The following CYP27A1 variants were observed in gnomAD, a reference collection of about 807,000 sequenced individuals.
CYP27A1 encodes cytochrome P450 family 27 subfamily A member 1, also known as sterol 26-hydroxylase, mitochondrial.
CYP27A1 carries 46 observed loss-of-function variants against 58.2 expected under a neutral mutation model. The observed-to-expected ratio is 0.79, with a 90% confidence interval of 0.62 to 1.01. The LOEUF is 1.01. CYP27A1 is among the 50% of genes least tolerant of loss of function. CYP27A1 has a pLI of 0.00. For synonymous variants in CYP27A1, 274 were observed against 285.1 expected (o/e 0.96, Z 0.39); for missense variants, 704 against 687.0 (o/e 1.02, Z -0.28).
chr2:218,814,582 A>G lies in CYP27A1; in HGVS notation c.1301A>G (p.Asp434Gly). 1 of 1,613,708 alleles carries G rather than the reference A, an allele frequency of 6.2e-7. No individual in the cohort carries two copies. Among genetic ancestry groups the G allele is most frequent in the Non-Finnish European group, 8.5e-7 (1 of 1,179,938 alleles). The change falls in exon 8 of 9, where the codon GAC becomes GGC. Residue 434 changes from aspartate (D) to glycine (G), a missense_variant. Asp to Gly is a moderately conservative substitution (Grantham distance 94). Transcript: ENST00000258415. ...TTCTGCCACTATGTGGTGTCCCGGG[A>G]CCCCACTGCCTTCTCTGAGCCTGAA... ...FVFCHYVVSR[D>G]PTAFSEPESF...
intron 1 of CYP27A1, among the ~76,000 whole-genome samples, chr2:218,797,050 G>A (rs1039095675): frequency 2.6e-5 from 4 of 152,200 alleles, no homozygotes; most frequent in Non-Finnish European, 4.4e-5. Flanking sequence ...AGTTGACAAA[G>A]AAGTCTGGTT....
rs988463082 is a variant in CYP27A1, at chr2:218,782,227, G to A, written c.45G>A (p.Gly15=). The change falls in exon 1 of 9, where the codon GGG becomes GGA. Residue 15 remains glycine (G), a synonymous_variant. Coordinates refer to ENST00000258415, the MANE Select transcript of CYP27A1 (RefSeq NM_000784.4). This position sits in a 1 kb window ranked among gnomAD's most constrained non-coding sequence, Gnocchi z 4.1. The stretch of plus-strand genomic sequence containing the variant: ...CGAGGCTGAGGTGGGCGCTGCGAGG[G>A]GCCGGCCGTGGCCTCTGCCCCCACG... ...GCARLRWALR[G]AGRGLCPHGA... The A allele has an allele frequency of 6.5e-7, 1 of 1,541,816 alleles. No homozygotes were observed. Among genetic ancestry groups the A allele is most frequent in the Admixed American group, 2.0e-5 (1 of 50,918 alleles).
At chr2:218,802,650 G>A (rs1311716165) in intron 1 of CYP27A1, among the ~76,000 whole-genome samples, 2 of 152,194 alleles carry the variant, frequency 1.3e-5, no homozygotes, top group South Asian at 2.1e-4. Context: ...GTTTTCTTCG[G>A]AGGGCAAATA....
intron 2 of CYP27A1, among the ~76,000 whole-genome samples, chr2:218,810,708 C>G (rs554865881): frequency 7.5e-4 from 114 of 152,262 alleles, no homozygotes; most frequent in Non-Finnish European, 1.3e-3. Flanking sequence ...TTTGGAACAA[C>G]GTGAAGTCCC....
rs764764261 is a variant in CYP27A1, at chr2:218,782,218, G to T, written c.36G>T (p.Ala12=). Residue 12 remains alanine (A), a synonymous_variant, in exon 1 of 9, where the codon GCG becomes GCT. Coordinates refer to ENST00000258415, the MANE Select transcript of CYP27A1 (RefSeq NM_000784.4). This position sits in a 1 kb window ranked among gnomAD's most constrained non-coding sequence, Gnocchi z 4.1. Reference sequence around the variant, plus strand: ...TGGGCTGCGCGAGGCTGAGGTGGGCGCTGCGAGGGGCCGGCCGTGGCCTCT... The same window carrying T: ...TGGGCTGCGCGAGGCTGAGGTGGGCTCTGCGAGGGGCCGGCCGTGGCCTCT... ...AALGCARLRW[A]LRGAGRGLCP... 16 of 1,539,914 alleles carry T rather than the reference G, an allele frequency of 1.0e-5. 1 individual carries two copies. In the East Asian group the frequency reaches 1.5e-4, roughly 14 times the overall value.
chr2:218,810,651 C>T (rs1252327509), intron 2 of CYP27A1, among the ~76,000 whole-genome samples: 1 of 152,104 alleles, frequency 6.6e-6, no homozygotes, highest in Non-Finnish European at 1.5e-5. Flanking sequence ...TTAACAACCA[C>T]GTTTAAGTTC....
chr2:218,812,500 A>ATT (rs1253301713), intron 3 of CYP27A1, 52 bp from the exon 4 acceptor site: 2 of 1,612,236 alleles, frequency 1.2e-6, no homozygotes, highest in East Asian at 4.5e-5. Flanking sequence ...GGGCTCCTGG[A>ATT]TTCCATATGT....
chr2:218,810,564 G>A (rs538399873), intron 2 of CYP27A1, among the ~76,000 whole-genome samples: 24 of 151,966 alleles, frequency 1.6e-4, no homozygotes, highest in Middle Eastern at 6.3e-3. Flanking sequence ...ATAAGTTTGG[G>A]GTTCTCAAAT....
chr2:218,807,379 A>G (rs1478325673), intron 1 of CYP27A1, among the ~76,000 whole-genome samples: 13 of 152,304 alleles, frequency 8.5e-5, no homozygotes, highest in South Asian at 6.2e-4. Context: ...GCACTTATAA[A>G]TCTAAGGAGT....
chr2:218,815,167 C>A lies in CYP27A1; in HGVS notation c.*137C>A. 9.7e-7 allele frequency: 1 copy of A among 1,032,808 alleles called. No individual in the cohort carries two copies. The highest frequency in any genetic ancestry group is 1.5e-6 in the Non-Finnish European group (1 of 685,276). The allele number at this position is 1,032,808 out of a possible 1,614,324, so 64.0% of individuals were successfully genotyped here. On this transcript the variant is annotated 3_prime_UTR_variant, in exon 9 of 9. Coordinates refer to ENST00000258415, the MANE Select transcript of CYP27A1 (RefSeq NM_000784.4). ...CGAGAGGTGGGAGGAACTCCTTGCACACACCCTGAGCTTTTGCCACTTCTA... is the reference window on the plus strand; with the variant it reads ...CGAGAGGTGGGAGGAACTCCTTGCAAACACCCTGAGCTTTTGCCACTTCTA...
chr2:218,782,248 C>G lies in CYP27A1; in HGVS notation c.66C>G (p.Pro22=), dbSNP rs1423345815. 9 of 1,552,500 alleles carry G rather than the reference C, an allele frequency of 5.8e-6. No individual in the cohort carries two copies. The highest frequency in any genetic ancestry group is 7.8e-6 in the Non-Finnish European group (9 of 1,150,096). The change falls in exon 1 of 9, where the codon CCC becomes CCG. Residue 22 remains proline (P), a synonymous_variant. Transcript: ENST00000258415. The surrounding 1 kb of genome is among the most constrained non-coding windows in gnomAD (Gnocchi z 4.1). ...GAGGGGCCGGCCGTGGCCTCTGCCC[C>G]CACGGGGCCAGAGCCAAGGCCGCGA... The part of the protein sequence containing the change: ...ALRGAGRGLC[P]HGARAKAAIP...
Position 218,814,614 on chromosome 2 carries a change from C to T in CYP27A1, c.1333C>T (p.Gln445Ter), listed in dbSNP as rs1325218192. 6.2e-7 allele frequency: 1 copy of T among 1,614,198 alleles called. No homozygotes were observed. Among genetic ancestry groups the T allele is most frequent in the Non-Finnish European group, 8.5e-7 (1 of 1,180,028 alleles). Residue 445 changes from glutamine (Q) to a stop codon, truncating the protein, a stop_gained, in exon 8 of 9, where the codon CAG (glutamine) becomes TAG (stop). Coordinates refer to ENST00000258415, the MANE Select transcript of CYP27A1 (RefSeq NM_000784.4). LOFTEE classifies it high-confidence loss of function. Reference sequence around the variant, plus strand: ...TGCCTTCTCTGAGCCTGAAAGCTTCCAGCCCCACCGCTGGCTGAGAAACAG... The same window carrying T: ...TGCCTTCTCTGAGCCTGAAAGCTTCTAGCCCCACCGCTGGCTGAGAAACAG... The part of the protein sequence containing the change: ...PTAFSEPESF[Q>*]PHRWLRNSQP...
chr2:218,806,817 G>T (rs933580522), intron 1 of CYP27A1, among the ~76,000 whole-genome samples: 2 of 152,148 alleles, frequency 1.3e-5, no homozygotes, highest in African/African-American at 4.8e-5. Context: ...AGGATTGAAT[G>T]AGCTAATATA....
chr2:218,801,580 C>T (rs2105975714), intron 1 of CYP27A1, among the ~76,000 whole-genome samples: 1 of 152,046 alleles, frequency 6.6e-6, no homozygotes, highest in African/African-American at 2.4e-5. Flanking sequence ...CAAAGACATA[C>T]CATTTTCAAC....
Position 218,809,341 on chromosome 2 carries a change from C to T in CYP27A1, c.256-236C>T, listed in dbSNP as rs151256438. Among the ~76,000 whole-genome samples, 181 of 152,060 alleles carry T rather than the reference C, an allele frequency of 1.2e-3. 1 individual carries two copies. Among genetic ancestry groups the T allele is most frequent in the Non-Finnish European group, 2.0e-3 (134 of 68,008 alleles). On this transcript the variant is annotated intron_variant, in intron 1 of 8. Transcript: ENST00000258415. Reference sequence around the variant, plus strand: ...TCAATGCCTCCAGTTCCACCAGACACGCATTGCTCTAATATTCTAGCTCCT... The same window carrying T: ...TCAATGCCTCCAGTTCCACCAGACATGCATTGCTCTAATATTCTAGCTCCT...
chr2:218,785,496 C>G (rs923868962), intron 1 of CYP27A1, among the ~76,000 whole-genome samples: 1 of 151,944 alleles, frequency 6.6e-6, no homozygotes, highest in Non-Finnish European at 1.5e-5. Context: ...CCAGTAAATG[C>G]CTCAAGGGTG....
intron 2 of CYP27A1, among the ~76,000 whole-genome samples, chr2:218,810,095 A>G (rs2105979055): frequency 6.6e-6 from 1 of 152,174 alleles, no homozygotes; most frequent in African/African-American, 2.4e-5. Flanking sequence ...CTTGGCCAAC[A>G]CGGTGAAACC....
At chr2:218,813,118 G>T (rs1943742848) in intron 5 of CYP27A1, 22 bp downstream of exon 5, 2 of 1,590,914 alleles carry the variant, frequency 1.3e-6, no homozygotes, top group South Asian at 1.1e-5. Context: ...GGGAGGGTGA[G>T]ACCAGGGGCC....
At position 218,782,190 on chromosome 2, in the gene CYP27A1, C is replaced by G; in HGVS notation, c.8C>G (p.Ala3Gly). 6.5e-7 allele frequency: 1 copy of G among 1,536,850 alleles called. No individual in the cohort carries two copies. The highest frequency in any genetic ancestry group is 1.4e-5 in the African/African-American group (1 of 72,930). MA[A>G]LGCARLRWAL... ...GGCGCGCGAGCACAACCCATGGCTG[C>G]GCTGGGCTGCGCGAGGCTGAGGTGG... Residue 3 changes from alanine to glycine, a missense_variant, in exon 1 of 9, where the codon GCG (alanine) becomes GGG (glycine). Transcript: ENST00000258415. The surrounding 1 kb of genome is among the most constrained non-coding windows in gnomAD (Gnocchi z 4.1).
Sources: gnomAD v4.1 joint callset for allele counts (sites outside exome capture counted in the v4.1 genomes callset) on GRCh38, gnomAD v4.1.1 for gene constraint, Gnocchi (gnomAD v3.1) non-coding constraint, MANE v1.5 for transcripts, NCBI Gene and HGNC (gene_info 2026-07-23, HGNC 2026-07-21) for gene names.